The following NRXN2 variants were observed in gnomAD, a reference collection of about 807,000 sequenced individuals.
NRXN2 encodes the protein neurexin 2.
A neutral mutation model predicts 128.8 loss-of-function variants in NRXN2; 29 were observed. The ratio of observed to expected loss-of-function variants is 0.23; its 90% CI spans 0.17 to 0.31. The LOEUF (loss-of-function observed/expected upper bound fraction) is 0.31, where lower values mean the gene tolerates loss of function less well. Among genes scored for constraint, NRXN2 ranks in the 10% least tolerant of loss-of-function variants. The probability of loss-of-function intolerance (pLI) is 1.00; values close to 1 mark genes in which losing one functional copy is unlikely to be tolerated. For synonymous variants in NRXN2, 1,098 were observed against 1,075.2 expected, an observed-to-expected ratio of 1.02 and a Z score of -0.41; for missense variants, 1,881 against 2,452.6, an observed-to-expected ratio of 0.77 and a Z score of 4.92.
chr11:64,694,673 C>T (rs1392709130), intron 3 of NRXN2, among the ~76,000 whole-genome samples: 1 of 152,154 alleles, frequency 6.6e-6, no homozygotes, highest in Non-Finnish European at 1.5e-5. Flanking sequence ...TCTCCTCATT[C>T]CTTACTCTGA....
At chr11:64,640,027 C>T (rs1165345163) in intron 17 of NRXN2, among the ~76,000 whole-genome samples, 2 of 152,210 alleles carry the variant, frequency 1.3e-5, no homozygotes, top group East Asian at 1.9e-4. Context: ...CTTGGGCCCT[C>T]GTCCTTCCTC....
chr11:64,663,302 G>A (rs2049318059), intron 9 of NRXN2, among the ~76,000 whole-genome samples: 1 of 151,902 alleles, frequency 6.6e-6, no homozygotes, highest in Non-Finnish European at 1.5e-5. Flanking sequence ...GGGAGGCAGA[G>A]GTTGCAGTGA....
intron 1 of NRXN2, among the ~76,000 whole-genome samples, chr11:64,720,471 G>T (rs1015875887): frequency 2.0e-5 from 3 of 152,176 alleles, no homozygotes; most frequent in Non-Finnish European, 4.4e-5. Context: ...TTAATGCGGG[G>T]GGTGGGGCCA....
At chr11:64,645,449 T>C (rs569600555) in intron 17 of NRXN2, among the ~76,000 whole-genome samples, 4 of 152,138 alleles carry the variant, frequency 2.6e-5, no homozygotes, top group East Asian at 1.9e-4. Flanking sequence ...TGGTAAGGAA[T>C]TGACCGCCTG....
chr11:64,658,602 G>A (rs981426371), intron 11 of NRXN2, among the ~76,000 whole-genome samples: 32 of 152,238 alleles, frequency 2.1e-4, no homozygotes, highest in African/African-American at 7.2e-4. Context: ...AGGCCAGGTG[G>A]CCAAAAGGGG....
intron 9 of NRXN2, among the ~76,000 whole-genome samples, chr11:64,666,259 T>G (rs1021844943): frequency 6.6e-6 from 1 of 150,410 alleles, no homozygotes; most frequent in Non-Finnish European, 1.5e-5. Context: ...TGGAGTGCAA[T>G]GGCAGGATCT....
chr11:64,629,964 CT>C (rs2135366721), intron 19 of NRXN2, among the ~76,000 whole-genome samples: 1 of 152,276 alleles, frequency 6.6e-6, no homozygotes, highest in East Asian at 1.9e-4. Context: ...GGTAACAGCC[CT>C]GTCTCCTTGC....
rs201993475 is a variant in NRXN2, at chr11:64,651,431, G to A, written c.2742C>T (p.Ala914=). Residue 914 remains alanine (A), a synonymous_variant, in exon 14 of 23, where the codon GCC becomes GCT. Coordinates refer to ENST00000265459, the MANE Select transcript of NRXN2 (RefSeq NM_015080.4). The surrounding 1 kb of genome is among the most constrained non-coding windows in gnomAD (Gnocchi z 5.9). ...CELNARFGLR[A]IVADPVTFKS... ...TGAAGGTGACGGGATCGGCCACGAT[G>A]GCACGCAGGCCAAAGCGAGCATTGA... The A allele has an allele frequency of 2.7e-4, 436 of 1,614,202 alleles. 1 individual carries two copies. The highest frequency in any genetic ancestry group is 3.6e-4 in the Non-Finnish European group (420 of 1,180,016).
chr11:64,649,439 T>A (rs1357161447), intron 15 of NRXN2, among the ~76,000 whole-genome samples: 2 of 152,062 alleles, frequency 1.3e-5, no homozygotes, highest in Non-Finnish European at 2.9e-5. Context: ...AGAGCCTAAC[T>A]CCCTGGAATC....
intron 3 of NRXN2, among the ~76,000 whole-genome samples, 162 bp downstream of exon 3, chr11:64,697,613 A>C (rs1053577432): frequency 3.3e-5 from 5 of 152,098 alleles, no homozygotes; most frequent in Non-Finnish European, 7.4e-5. Flanking sequence ...GGGACGCAAG[A>C]GAGTGGGGCA....
At chr11:64,697,544 G>C (rs530696307) in intron 3 of NRXN2, among the ~76,000 whole-genome samples, 1 of 151,926 alleles carries the variant, frequency 6.6e-6, no homozygotes, top group East Asian at 1.9e-4. Context: ...CCTCTCCAGC[G>C]TGGAGAGGGA....
At chr11:64,678,747 G>A (rs758742351) in intron 6 of NRXN2, among the ~76,000 whole-genome samples, 3 of 152,032 alleles carry the variant, frequency 2.0e-5, no homozygotes, top group African/African-American at 7.3e-5. Context: ...GAGATGGAGG[G>A]ACATTATTGC....
At position 64,651,570 on chromosome 11, in the gene NRXN2, C is replaced by A; in HGVS notation, c.2603G>T (p.Arg868Leu). The A allele has an allele frequency of 4.3e-6, 7 of 1,614,122 alleles. No homozygotes were observed. Among genetic ancestry groups the A allele is most frequent in the Non-Finnish European group, 5.9e-6 (7 of 1,180,008 alleles). Residue 868 changes from arginine (R) to leucine (L), a missense_variant, in exon 14 of 23, where the codon CGG (arginine) becomes CTG (leucine). Arg to Leu is a moderately radical substitution (Grantham distance 102). Coordinates refer to ENST00000265459, the MANE Select transcript of NRXN2 (RefSeq NM_015080.4). This position sits in a 1 kb window ranked among gnomAD's most constrained non-coding sequence, Gnocchi z 5.9. ...HNIETGIMTERRFISVVPSNF... is the reference protein window; with the variant it reads ...HNIETGIMTELRFISVVPSNF... ...GGAGGGCACCACGGAGATAAACCGC[C>A]GCTCCGTCATGATGCCCGTCTCAAT... is the stretch of plus-strand genomic sequence containing the variant.
chr11:64,615,836 G>A (rs987987330), intron 22 of NRXN2, among the ~76,000 whole-genome samples: 4,458 of 99,550 alleles, frequency 0.045, 201 homozygotes, highest in African/African-American at 0.15. Flanking sequence ...AAGCGTGTGT[G>A]TGTGTGTGTG....
intron 7 of NRXN2, among the ~76,000 whole-genome samples, chr11:64,669,588 T>A (rs969859206): frequency 6.6e-6 from 1 of 152,064 alleles, no homozygotes; most frequent in Admixed American, 6.6e-5. Flanking sequence ...GCCTGGAGAA[T>A]GCAGAAGTAA....
intron 7 of NRXN2, chr11:64,676,002 C>T (rs1246310792): frequency 6.5e-6 from 1 of 153,190 alleles, no homozygotes; most frequent in East Asian, 1.9e-4. Context: ...CTAACCCAAA[C>T]AGAGGAGCTC....
chr11:64,676,778 C>T, intron 7 of NRXN2: 1 of 605,904 alleles, frequency 1.7e-6, no homozygotes, highest in East Asian at 2.8e-5. Context: ...TTCCATTTGT[C>T]TTTTGTATTT....
chr11:64,722,282 CCT>C (rs2057454347), intron 1 of NRXN2, among the ~76,000 whole-genome samples: 1 of 150,494 alleles, frequency 6.6e-6, no homozygotes, highest in African/African-American at 2.5e-5. Context: ...TCCCAGTCTC[CCT>C]GTCTCATCAC....
intron 17 of NRXN2, among the ~76,000 whole-genome samples, chr11:64,641,421 C>T (rs2045649535): frequency 1.3e-5 from 2 of 151,812 alleles, no homozygotes; most frequent in African/African-American, 2.4e-5. Flanking sequence ...TGAGATGGAA[C>T]GTGGAGGGAC....
Sources: gnomAD v4.1 joint callset for allele counts (sites outside exome capture counted in the v4.1 genomes callset) on GRCh38, gnomAD v4.1.1 for gene constraint, Gnocchi (gnomAD v3.1) non-coding constraint, MANE v1.5 for transcripts, NCBI Gene and HGNC (gene_info 2026-07-23, HGNC 2026-07-21) for gene names.